OPCML: variants seen among roughly 807,000 people sequenced by gnomAD.
OPCML encodes the protein opioid-binding protein/cell adhesion molecule.
A neutral mutation model predicts 37.8 loss-of-function variants in OPCML; 13 were observed. The ratio of observed to expected loss-of-function variants is 0.34; its 90% confidence interval spans 0.22 to 0.55. The LOEUF is 0.55. Ranked by LOEUF, OPCML falls within the 20% of genes least tolerant of loss-of-function variation. The probability of loss-of-function intolerance (pLI) is 0.91; values close to 1 mark genes in which losing one functional copy is unlikely to be tolerated. For missense variants in OPCML, 341 were observed against 435.6 expected, an observed-to-expected ratio of 0.78 and a Z score of 1.93; for synonymous variants, 176 against 168.8, an observed-to-expected ratio of 1.04 and a Z score of -0.33.
chr11:132,598,829 A>C (rs539381143), intron 3 of OPCML, among the ~76,000 whole-genome samples: 13 of 152,234 alleles, frequency 8.5e-5, no homozygotes, highest in African/African-American at 3.1e-4. Context: ...TTTTTAAAAA[A>C]ATTTCTCTGC....
chr11:132,736,705 C>T (rs1159954881), intron 2 of OPCML, among the ~76,000 whole-genome samples: 1 of 152,136 alleles, frequency 6.6e-6, no homozygotes, highest in East Asian at 1.9e-4. Flanking sequence ...GAACTTAAAG[C>T]CTCCTGCCAG....
chr11:133,521,408 G>T (rs1408970539), intron 1 of OPCML, among the ~76,000 whole-genome samples: 1 of 152,176 alleles, frequency 6.6e-6, no homozygotes, highest in Non-Finnish European at 1.5e-5. Flanking sequence ...AGTAATTTCA[G>T]TGAAAGAAGA....
chr11:133,089,526 CTG>C (rs1389034754), intron 1 of OPCML, among the ~76,000 whole-genome samples: 8 of 152,300 alleles, frequency 5.3e-5, no homozygotes, highest in South Asian at 2.1e-4. Flanking sequence ...GCAACATACT[CTG>C]TGCTAAAGGC....
chr11:133,150,299 C>T (rs1320599785), intron 1 of OPCML, among the ~76,000 whole-genome samples: 2 of 152,186 alleles, frequency 1.3e-5, no homozygotes, highest in Non-Finnish European at 2.9e-5. Context: ...GATGGTCTCA[C>T]CCTTTCCTCC....
At chr11:132,904,498 A>T (rs2136513147) in intron 2 of OPCML, among the ~76,000 whole-genome samples, 2 of 152,322 alleles carry the variant, frequency 1.3e-5, no homozygotes, top group East Asian at 3.9e-4. Context: ...GTGACCTCAG[A>T]CTGCTGTGAA....
chr11:133,183,049 C>T (rs1592081666), intron 1 of OPCML, among the ~76,000 whole-genome samples: 2 of 152,170 alleles, frequency 1.3e-5, no homozygotes, highest in South Asian at 4.2e-4. Context: ...ATATATGGTG[C>T]TGTTTTTACT....
At chr11:133,321,304 C>T (rs184330143) in intron 1 of OPCML, among the ~76,000 whole-genome samples, 13 of 152,250 alleles carry the variant, frequency 8.5e-5, no homozygotes, top group Non-Finnish European at 1.5e-4. Context: ...CCGTAAGTAC[C>T]GCATTTACTG....
intron 1 of OPCML, among the ~76,000 whole-genome samples, chr11:133,305,802 G>A (rs956270169): frequency 5.3e-5 from 8 of 152,132 alleles, no homozygotes; most frequent in African/African-American, 1.9e-4. Flanking sequence ...GTTCATCTTA[G>A]AATTACACAA....
At chr11:132,907,114 C>T (rs1297195579) in intron 2 of OPCML, among the ~76,000 whole-genome samples, 1 of 152,158 alleles carries the variant, frequency 6.6e-6, no homozygotes, top group East Asian at 1.9e-4. Context: ...TAAGAATTGC[C>T]ATCCATTTTT....
At chr11:133,040,939 A>G (rs1325903694) in intron 1 of OPCML, among the ~76,000 whole-genome samples, 1 of 152,186 alleles carries the variant, frequency 6.6e-6, no homozygotes, top group Non-Finnish European at 1.5e-5. Flanking sequence ...CACACAGAAC[A>G]TCTTCTTACC....
intron 1 of OPCML, among the ~76,000 whole-genome samples, chr11:133,419,965 C>T (rs910699703): frequency 6.6e-6 from 1 of 152,202 alleles, no homozygotes; most frequent in South Asian, 2.1e-4. Flanking sequence ...TATCAACCAA[C>T]ACCCATGTCG....
At chr11:133,161,202 T>C (rs1192825909) in intron 1 of OPCML, among the ~76,000 whole-genome samples, 3 of 152,258 alleles carry the variant, frequency 2.0e-5, no homozygotes, top group Non-Finnish European at 4.4e-5. Context: ...GCAGCCATCC[T>C]GGCTGATTGC....
At chr11:132,766,161 A>G (rs1044402814) in intron 2 of OPCML, among the ~76,000 whole-genome samples, 1 of 152,170 alleles carries the variant, frequency 6.6e-6, no homozygotes, top group African/African-American at 2.4e-5. Flanking sequence ...AAATATGTCA[A>G]CTAATAACTA....
At chr11:132,839,609 A>T (rs1941200782) in intron 2 of OPCML, among the ~76,000 whole-genome samples, 1 of 152,198 alleles carries the variant, frequency 6.6e-6, no homozygotes, top group Non-Finnish European at 1.5e-5. Context: ...TGCAGTCTCC[A>T]GGGCTGACCC....
At chr11:133,511,539 T>C (rs1170450941) in intron 1 of OPCML, among the ~76,000 whole-genome samples, 4 of 152,100 alleles carry the variant, frequency 2.6e-5, no homozygotes, top group Non-Finnish European at 5.9e-5. Context: ...CCCTGAGGTC[T>C]TGCACCAGCC....
At chr11:133,411,065 G>A (rs1945641520) in intron 1 of OPCML, among the ~76,000 whole-genome samples, 1 of 152,180 alleles carries the variant, frequency 6.6e-6, no homozygotes, top group South Asian at 2.1e-4. Flanking sequence ...TGAGGAATTA[G>A]ACAGATATTA....
chr11:132,442,844 A>C (rs1402801666), intron 4 of OPCML, among the ~76,000 whole-genome samples: 2 of 151,956 alleles, frequency 1.3e-5, no homozygotes, highest in Non-Finnish European at 2.9e-5. Context: ...GCCATGTGGA[A>C]CTGTGAGTCG....
intron 1 of OPCML, among the ~76,000 whole-genome samples, chr11:132,957,535 T>C (rs1945998319): frequency 6.6e-6 from 1 of 152,208 alleles, no homozygotes; most frequent in Admixed American, 6.5e-5. Flanking sequence ...TACATATATA[T>C]TGTGTGTACA....
chr11:133,200,028 G>A (rs568898277), intron 1 of OPCML, among the ~76,000 whole-genome samples: 14 of 152,082 alleles, frequency 9.2e-5, no homozygotes, highest in Non-Finnish European at 1.6e-4. Flanking sequence ...TCCTGCACAC[G>A]TCCCGCCCTC....
Sources: gnomAD v4.1 joint callset for allele counts (sites outside exome capture counted in the v4.1 genomes callset) on GRCh38, gnomAD v4.1.1 for gene constraint, MANE v1.5 for transcripts, NCBI Gene and HGNC (gene_info 2026-07-23, HGNC 2026-07-21) for gene names.